The following LPP variants were observed in gnomAD, a reference collection of about 807,000 sequenced individuals.
The protein encoded by LPP is lipoma-preferred partner.
LPP carries 38 observed loss-of-function variants against 60.4 expected under a neutral mutation model. The observed-to-expected ratio is 0.63, with a 90% CI of 0.49 to 0.83. LPP has a LOEUF of 0.83. LPP is among the 40% of genes least tolerant of loss of function. The pLI, the probability that LPP is intolerant of heterozygous loss-of-function variation, is 0.00. For missense variants in LPP, 902 were observed against 783.6 expected (o/e 1.15, Z -1.80); for synonymous variants, 328 against 290.8 (o/e 1.13, Z -1.30).
chr3:188,593,957 C>T (rs1839481844), intron 6 of LPP, among the ~76,000 whole-genome samples: 2 of 152,090 alleles, frequency 1.3e-5, no homozygotes, highest in South Asian at 4.1e-4. Flanking sequence ...TGGGTAGATA[C>T]CCAGTAGTGG....
chr3:188,807,830 A>G (rs988904197), intron 9 of LPP, among the ~76,000 whole-genome samples: 4 of 152,180 alleles, frequency 2.6e-5, no homozygotes, highest in African/African-American at 9.6e-5. Flanking sequence ...TGATCAATCC[A>G]ACATCTGTCT....
Position 188,645,887 on chromosome 3 carries a change from G to GA in LPP, c.1113+36051dup, listed in dbSNP as rs544909803. Among the ~76,000 whole-genome samples the GA allele has an allele frequency of 3.8e-4, 58 of 150,788 alleles. 1 individual carries two copies. In the Middle Eastern group the frequency reaches 0.01, roughly 27 times the overall value. On this transcript the variant is annotated intron_variant, in intron 7 of 11. Transcript: ENST00000617246. ...ATCTGAATCTAAGCAAAATTTTCAG[G>GA]AAAAAAAATGTTTATAATCATTAGG... is the stretch of plus-strand genomic sequence containing the variant.
chr3:188,333,965 A>G (rs1179816426), intron 2 of LPP, among the ~76,000 whole-genome samples: 2 of 152,224 alleles, frequency 1.3e-5, no homozygotes, highest in African/African-American at 2.4e-5. Context: ...GTAGAACACT[A>G]GAACTGACTC....
At chr3:188,428,138 T>C (rs1789935845) in intron 4 of LPP, among the ~76,000 whole-genome samples, 6 of 152,066 alleles carry the variant, frequency 3.9e-5, no homozygotes. Context: ...CATGGCACAG[T>C]CTCTCATGGC....
At chr3:188,452,961 C>T (rs1796930276) in intron 4 of LPP, among the ~76,000 whole-genome samples, 2 of 152,134 alleles carry the variant, frequency 1.3e-5, no homozygotes, top group African/African-American at 4.8e-5. Context: ...AAGTTGTCAG[C>T]CCACATGGCC....
At chr3:188,637,276 C>T (rs922668278) in intron 7 of LPP, among the ~76,000 whole-genome samples, 16 of 151,984 alleles carry the variant, frequency 1.1e-4, no homozygotes, top group African/African-American at 3.6e-4. Flanking sequence ...GGGTATATAA[C>T]GAAATGAAGG....
chr3:188,716,671 G>A (rs1359666348), intron 8 of LPP, among the ~76,000 whole-genome samples: 1 of 152,164 alleles, frequency 6.6e-6, no homozygotes, highest in Non-Finnish European at 1.5e-5. Flanking sequence ...GGGGAGTCTG[G>A]CCAGTTCCCA....
intron 2 of LPP, among the ~76,000 whole-genome samples, chr3:188,279,358 C>A (rs1402162361): frequency 6.6e-6 from 1 of 152,178 alleles, no homozygotes; most frequent in East Asian, 1.9e-4. Context: ...CTTTAGACCC[C>A]CCATTGTATT....
intron 4 of LPP, among the ~76,000 whole-genome samples, chr3:188,446,271 A>G (rs142513806): frequency 5.0e-4 from 76 of 152,318 alleles, no homozygotes; most frequent in African/African-American, 1.6e-3. Flanking sequence ...CACACGGCCT[A>G]GAAGAACTAG....
chr3:188,881,053 T>C lies in LPP; in HGVS notation c.*6574T>C, dbSNP rs1769927499. On this transcript the variant is annotated 3_prime_UTR_variant, in exon 12 of 12. Coordinates refer to ENST00000617246, the MANE Select transcript of LPP (RefSeq NM_001375462.1). ...TACTCAGGAGGCTGAGGCAGGAGAA[T>C]GGCGTGAACCCGGGAAGCGGAGCTT... is the stretch of plus-strand genomic sequence containing the variant. 6.5e-6 allele frequency: 1 copy of C among 154,434 alleles called. No homozygotes were observed. Among genetic ancestry groups the C allele is most frequent in the Non-Finnish European group, 1.4e-5 (1 of 72,288 alleles). The allele number at this position is 154,434 out of a possible 1,614,324, so 9.6% of individuals were successfully genotyped here. A position where few individuals can be genotyped will look rare whatever the true frequency, so the allele number is the denominator to read the frequency against.
intron 2 of LPP, among the ~76,000 whole-genome samples, chr3:188,228,818 G>T (rs572081201): frequency 6.6e-6 from 1 of 152,228 alleles, no homozygotes; most frequent in East Asian, 1.9e-4. Context: ...AATAATCATT[G>T]CCCTGCCTAC....
chr3:188,203,469 T>TTAAATATATATATATA, intron 1 of LPP, among the ~76,000 whole-genome samples: 3 of 85,174 alleles, frequency 3.5e-5, no homozygotes, highest in East Asian at 3.2e-4. Flanking sequence ...ATATATATAT[T>TTAAATATATATATATA]TTTAAATATA....
intron 7 of LPP, among the ~76,000 whole-genome samples, chr3:188,652,794 C>T (rs1300753130): frequency 2.0e-5 from 3 of 152,102 alleles, no homozygotes; most frequent in East Asian, 3.9e-4. Context: ...CAAGTCCCAC[C>T]ATTTACCAGG....
chr3:188,200,297 T>C (rs558744793), intron 1 of LPP, among the ~76,000 whole-genome samples: 3 of 151,544 alleles, frequency 2.0e-5, no homozygotes, highest in Non-Finnish European at 4.4e-5. Flanking sequence ...TTGCCCAGGC[T>C]GGAGTGCAGT....
chr3:188,454,966 T>A (rs1158841182), intron 4 of LPP, among the ~76,000 whole-genome samples: 3 of 152,176 alleles, frequency 2.0e-5, no homozygotes, highest in African/African-American at 7.2e-5. Context: ...TTCACAATGT[T>A]ATTCGAAAGC....
At chr3:188,348,298 C>G (rs1331606172) in intron 3 of LPP, among the ~76,000 whole-genome samples, 1 of 152,136 alleles carries the variant, frequency 6.6e-6, no homozygotes, top group Non-Finnish European at 1.5e-5. Context: ...AGGCATGAGC[C>G]ACCACGCCCA....
chr3:188,428,596 ATTT>A (rs3057781), intron 4 of LPP, among the ~76,000 whole-genome samples: 5 of 142,684 alleles, frequency 3.5e-5, no homozygotes, highest in African/African-American at 7.7e-5. Flanking sequence ...ATATATATAT[ATTT>A]TTTTTTTTTA....
intron 1 of LPP, among the ~76,000 whole-genome samples, chr3:188,167,577 T>TTG (rs1187806177): frequency 7.6e-6 from 1 of 131,220 alleles, no homozygotes; most frequent in East Asian, 2.5e-4. Flanking sequence ...AATGTTATCT[T>TTG]TGTGTGTGTG....
At chr3:188,739,303 C>A (rs1723603694) in intron 8 of LPP, among the ~76,000 whole-genome samples, 1 of 151,926 alleles carries the variant, frequency 6.6e-6, no homozygotes. Flanking sequence ...AGAGAAGAAA[C>A]AAGAAGGAAA....
Sources: gnomAD v4.1 joint callset for allele counts (sites outside exome capture counted in the v4.1 genomes callset) on GRCh38, gnomAD v4.1.1 for gene constraint, MANE v1.5 for transcripts, NCBI Gene and HGNC (gene_info 2026-07-23, HGNC 2026-07-21) for gene names.